The following TRPM3 variants were observed in gnomAD, a reference collection of about 807,000 sequenced individuals.
TRPM3 encodes transient receptor potential cation channel subfamily M member 3.
TRPM3 carries 77 observed loss-of-function variants against 181.2 expected under a neutral mutation model. The observed-to-expected ratio is 0.42, with a 90% CI of 0.35 to 0.51. TRPM3 has a LOEUF of 0.51. TRPM3 is among the 20% of genes least tolerant of loss of function. The pLI is 0.01. For missense variants in TRPM3, 1,759 were observed against 2,196.7 expected (o/e 0.80, Z 3.98); for synonymous variants, 745 against 796.4 (o/e 0.94, Z 1.09).
chr9:71,102,385 A>G (rs1407347819), intron 1 of TRPM3, among the ~76,000 whole-genome samples: 1 of 152,206 alleles, frequency 6.6e-6, no homozygotes, highest in Non-Finnish European at 1.5e-5. Flanking sequence ...TTCCCCTAAG[A>G]ACATTTCAAA....
intron 1 of TRPM3, among the ~76,000 whole-genome samples, chr9:70,924,376 T>C (rs1440720597): frequency 6.6e-6 from 1 of 152,220 alleles, no homozygotes; most frequent in Non-Finnish European, 1.5e-5. Flanking sequence ...TTCATATCAT[T>C]ATTCTTCAAA....
chr9:71,374,790 C>T (rs1189418904), intron 1 of TRPM3, among the ~76,000 whole-genome samples: 2 of 152,080 alleles, frequency 1.3e-5, no homozygotes, highest in Non-Finnish European at 2.9e-5. Context: ...GCTAGCATTC[C>T]TATACATCAA....
At chr9:71,338,383 A>G (rs1354153043) in intron 1 of TRPM3, among the ~76,000 whole-genome samples, 1 of 152,194 alleles carries the variant, frequency 6.6e-6, no homozygotes, top group Non-Finnish European at 1.5e-5. Flanking sequence ...CAAAGCCTAC[A>G]TGATGTGTCA....
At chr9:70,562,842 A>G (rs1157792306) in intron 22 of TRPM3, among the ~76,000 whole-genome samples, 3 of 152,186 alleles carry the variant, frequency 2.0e-5, no homozygotes, top group Non-Finnish European at 2.9e-5. Context: ...TTGGAAGAAT[A>G]TATATCTAAA....
intron 5 of TRPM3, among the ~76,000 whole-genome samples, chr9:70,831,965 AT>A (rs1280046559): frequency 0.25 from 15,811 of 64,484 alleles, 1,433 homozygotes; most frequent in African/African-American, 0.45. Flanking sequence ...CCCCATAAAT[AT>A]ATATATATAT....
intron 1 of TRPM3, among the ~76,000 whole-genome samples, chr9:70,898,934 T>C (rs1263713846): frequency 6.6e-6 from 1 of 152,252 alleles, no homozygotes; most frequent in Middle Eastern, 3.4e-3. Flanking sequence ...TGCAACCTTT[T>C]TGGGAAACCT....
At chr9:70,742,907 T>G (rs1014218688) in intron 8 of TRPM3, among the ~76,000 whole-genome samples, 1 of 152,196 alleles carries the variant, frequency 6.6e-6, no homozygotes, top group African/African-American at 2.4e-5. Flanking sequence ...AGTGGAACTA[T>G]CATTCTTGAC....
At chr9:71,187,092 A>G (rs1406618600) in intron 1 of TRPM3, among the ~76,000 whole-genome samples, 2 of 152,016 alleles carry the variant, frequency 1.3e-5, no homozygotes, top group Non-Finnish European at 2.9e-5. Flanking sequence ...AACTCACGAA[A>G]TCTTTAATAG....
intron 1 of TRPM3, among the ~76,000 whole-genome samples, chr9:70,898,538 A>G (rs1589628954): frequency 6.6e-6 from 1 of 150,870 alleles, no homozygotes; most frequent in Non-Finnish European, 1.5e-5. Flanking sequence ...TCACGAGGCC[A>G]GGAGTTCAAG....
intron 1 of TRPM3, among the ~76,000 whole-genome samples, chr9:71,036,672 G>T (rs892251342): frequency 6.6e-6 from 1 of 152,204 alleles, no homozygotes; most frequent in Non-Finnish European, 1.5e-5. Flanking sequence ...CTTTTGCCCA[G>T]ATTAAGGGAA....
chr9:71,143,001 A>G (rs1283173408), intron 1 of TRPM3, among the ~76,000 whole-genome samples: 1 of 151,404 alleles, frequency 6.6e-6, no homozygotes, highest in Non-Finnish European at 1.5e-5. Flanking sequence ...AAAGAAAGAA[A>G]AAAACAGGCC....
At chr9:71,349,504 A>C (rs1401512389) in intron 1 of TRPM3, among the ~76,000 whole-genome samples, 1 of 152,258 alleles carries the variant, frequency 6.6e-6, no homozygotes. Context: ...AACGTTCAGT[A>C]AATCGTTTCC....
At chr9:70,639,945 G>A (rs866435628) in intron 10 of TRPM3, among the ~76,000 whole-genome samples, 3 of 152,190 alleles carry the variant, frequency 2.0e-5, no homozygotes, top group Admixed American at 6.5e-5. Flanking sequence ...CACAGAAACC[G>A]AGTTTCAGGC....
At chr9:71,002,574 A>G (rs1157959226) in intron 1 of TRPM3, among the ~76,000 whole-genome samples, 1 of 152,160 alleles carries the variant, frequency 6.6e-6, no homozygotes, top group Non-Finnish European at 1.5e-5. Flanking sequence ...ATATACGTCT[A>G]CTTTCTAGTA....
chr9:71,001,562 T>C lies in TRPM3; in HGVS notation c.177+119616A>G, dbSNP rs1056197324. Among the ~76,000 whole-genome samples, 22 of 152,256 alleles carry C rather than the reference T, an allele frequency of 1.4e-4. No individual in the cohort carries two copies. In the East Asian group the frequency reaches 3.9e-3, roughly 27 times the overall value. ...AGGCCTTGGTACCACACAATGTCTA[T>C]TAGGGAAAAAAGCCAGGAACAACAG... On this transcript the variant is annotated intron_variant, in intron 1 of 25. Transcript: ENST00000677713.
chr9:71,113,788 G>A (rs561652089), intron 1 of TRPM3, among the ~76,000 whole-genome samples: 1 of 152,342 alleles, frequency 6.6e-6, no homozygotes, highest in East Asian at 1.9e-4. Flanking sequence ...ATGAGATACT[G>A]AGGCCTGGTC....
intron 4 of TRPM3, among the ~76,000 whole-genome samples, chr9:70,843,371 A>T (rs1325709050): frequency 1.3e-5 from 2 of 151,954 alleles, no homozygotes; most frequent in African/African-American, 4.8e-5. Context: ...TTCATATGAA[A>T]AAACAAAAAG....
intron 6 of TRPM3, among the ~76,000 whole-genome samples, chr9:70,818,450 C>T (rs765695099): frequency 5.3e-5 from 8 of 152,180 alleles, no homozygotes; most frequent in African/African-American, 9.7e-5. Flanking sequence ...GCAGGTAAAG[C>T]GCCCACATTT....
At chr9:70,631,445 C>G (rs2133397155) in intron 12 of TRPM3, among the ~76,000 whole-genome samples, 1 of 150,214 alleles carries the variant, frequency 6.7e-6, no homozygotes. Context: ...AATTTCACCA[C>G]TACTTCCACA....
Sources: gnomAD v4.1 joint callset for allele counts (sites outside exome capture counted in the v4.1 genomes callset) on GRCh38, gnomAD v4.1.1 for gene constraint, MANE v1.5 for transcripts, NCBI Gene and HGNC (gene_info 2026-07-23, HGNC 2026-07-21) for gene names.